Variants in ITGB2 observed in about 807,000 individuals in gnomAD.
ITGB2 encodes integrin subunit beta 2, also known as integrin beta-2.
A neutral mutation model predicts 86.8 loss-of-function variants in ITGB2; 56 were observed. The observed-to-expected ratio is 0.65, with a 90% CI of 0.52 to 0.81. The LOEUF (loss-of-function observed/expected upper bound fraction) is 0.81. ITGB2 is among the 30% of genes least tolerant of loss of function. The probability of loss-of-function intolerance (pLI) is 0.00; values close to 1 mark genes in which losing one functional copy is unlikely to be tolerated. For synonymous variants in ITGB2, 457 were observed against 450.4 expected, an observed-to-expected ratio of 1.01 and a Z score of -0.19; for missense variants, 948 against 1,061.2, an observed-to-expected ratio of 0.89 and a Z score of 1.48.
intron 1 of ITGB2, among the ~76,000 whole-genome samples, chr21:44,916,478 G>T (rs2084211853): frequency 6.6e-6 from 1 of 152,186 alleles, no homozygotes; most frequent in East Asian, 1.9e-4. Context: ...GGACATAAAA[G>T]AATGGCCACA....
At chr21:44,912,806 C>A (rs923861422) in intron 1 of ITGB2, among the ~76,000 whole-genome samples, 2 of 109,776 alleles carry the variant, frequency 1.8e-5, no homozygotes, top group African/African-American at 6.7e-5. Flanking sequence ...GTCCAGCCAG[C>A]TTCAGGACTC....
chr21:44,916,474 A>G (rs1019178047), intron 1 of ITGB2, among the ~76,000 whole-genome samples: 2 of 152,338 alleles, frequency 1.3e-5, no homozygotes, highest in Non-Finnish European at 1.5e-5. Context: ...CTGTGGACAT[A>G]AAAGAATGGC....
chr21:44,908,058 C>G, intron 3 of ITGB2: 1 of 717,574 alleles, frequency 1.4e-6, no homozygotes, highest in Admixed American at 2.0e-5. Context: ...CCCAGCCTGA[C>G]CAAGGTAGTT....
rs745512221 is a variant in ITGB2 at position 44,890,059 on chromosome 21, C to A, written c.1576G>T (p.Gly526Cys). 1 of 1,613,382 alleles carries A rather than the reference C, an allele frequency of 6.2e-7. No individual in the cohort carries two copies. Among genetic ancestry groups the A allele is most frequent in the Non-Finnish European group, 8.5e-7 (1 of 1,180,032 alleles). ...CAGTACTGCCCGTATATCAGCTTGC[C>A]GGGGACGTCGCTGGTGTGGCACAGG... ...QCLCHTSDVPGKLIYGQYCEC... is the reference protein window; with the variant it reads ...QCLCHTSDVPCKLIYGQYCEC... Residue 526 changes from glycine to cysteine, a missense_variant, in exon 12 of 16, where the codon GGC becomes TGC. Gly to Cys is a radical substitution (Grantham distance 159). Transcript: ENST00000652462.
chr21:44,894,893 C>G (rs1341009541), intron 9 of ITGB2, 78 bp downstream of exon 9: 1 of 1,020,404 alleles, frequency 9.8e-7, no homozygotes, highest in Non-Finnish European at 1.6e-6. Flanking sequence ...TCCTGCTGAC[C>G]TGCAGCAGGA....
intron 1 of ITGB2, 130 bp from the exon 2 acceptor site, chr21:44,910,915 G>T: frequency 1.1e-6 from 1 of 896,898 alleles, no homozygotes; most frequent in African/African-American, 1.6e-5. Flanking sequence ...GGTGGGTTAG[G>T]GTCAGGCCAG....
chr21:44,900,386 G>A lies in ITGB2; in HGVS notation c.831C>T (p.Ala277=). 1 of 1,614,162 alleles carries A rather than the reference G, an allele frequency of 6.2e-7. No individual in the cohort carries two copies. The highest frequency in any genetic ancestry group is 8.5e-7 in the Non-Finnish European group (1 of 1,179,992). ...AGCGGCCGTCGTTGGGGGTCAGGAT[G>A]GCGCCCAGCTTCCCGTCGCCCGCGA... is the stretch of plus-strand genomic sequence containing the variant. The part of the protein sequence containing the change: ...FHFAGDGKLG[A]ILTPNDGRCH... The change falls in exon 7 of 16, where the codon GCC becomes GCT. Residue 277 remains alanine (A), a synonymous_variant. Transcript: ENST00000652462.
Position 44,903,389 on chromosome 21 carries a change from C to T in ITGB2, c.475G>A (p.Glu159Lys), listed in dbSNP as rs765779500. ...LGGDLLRALN[E>K]ITESGRIGFG... ...CCAATGCGGCCGGACTCGGTGATCT[C>T]GTTGAGGGCCCGGAGCAGGTCGCCA... The change falls in exon 5 of 16, where the codon GAG becomes AAG. Residue 159 changes from glutamate (E) to lysine (K), a missense_variant. Coordinates refer to ENST00000652462, the MANE Select transcript of ITGB2 (RefSeq NM_000211.5). 17 of 1,613,976 alleles carry T rather than the reference C, an allele frequency of 1.1e-5. No homozygotes were observed. The Admixed American group carries it at 1.3e-4, about 13-fold the overall frequency.
At position 44,907,034 on chromosome 21, in the gene ITGB2, AT is replaced by A; in HGVS notation, c.208del (p.Met70Ter). ...IRCDTRPQLL[M>X]RGCAADDIMD... Reference sequence around the variant, plus strand: ...GATGTCGTCAGCCGCACAGCCCCTCATGAGCAGCTGTGGCCGGGTGTCGCAG... The same window carrying A: ...GATGTCGTCAGCCGCACAGCCCCTCAGAGCAGCTGTGGCCGGGTGTCGCAG... On this transcript the variant is annotated frameshift_variant, in exon 4 of 16. Transcript: ENST00000652462. LOFTEE classifies it high-confidence loss of function. The A allele has an allele frequency of 2.5e-6, 4 of 1,613,722 alleles. No individual in the cohort carries two copies. Among genetic ancestry groups the A allele is most frequent in the Non-Finnish European group, 3.4e-6 (4 of 1,179,710 alleles).
At chr21:44,912,375 A>G (rs975680311) in intron 1 of ITGB2, among the ~76,000 whole-genome samples, 9 of 152,180 alleles carry the variant, frequency 5.9e-5, no homozygotes, top group Non-Finnish European at 1.2e-4. Context: ...TCTGAGGCCA[A>G]CGGAACACCC....
rs777889637 is a variant in ITGB2 at position 44,893,452 on chromosome 21, G to C, written c.1176C>G (p.His392Gln). The change falls in exon 10 of 16, where the codon CAC becomes CAG. Residue 392 changes from histidine (H) to glutamine (Q), a missense_variant. Coordinates refer to ENST00000652462, the MANE Select transcript of ITGB2 (RefSeq NM_000211.5). ...CACAGTCACCTCTGGGCTGGTTCCT[G>C]TGCGTCACTCCATTGCTGCAGAAGG... ...YDSFCSNGVT[H>Q]RNQPRGDCDG... The C allele has an allele frequency of 1.3e-5, 21 of 1,614,078 alleles. No homozygotes were observed. Among genetic ancestry groups the C allele is most frequent in the Admixed American group, 5.0e-5 (3 of 60,010 alleles).
chr21:44,908,726 A>G (rs768723528), intron 3 of ITGB2, among the ~76,000 whole-genome samples: 2 of 152,354 alleles, frequency 1.3e-5, no homozygotes, highest in African/African-American at 4.8e-5. Context: ...TTGTCCGGCT[A>G]CAACGGTGCT....
At chr21:44,899,196 A>G in intron 7 of ITGB2, 34 bp from the exon 8 acceptor site, 1 of 1,526,062 alleles carries the variant, frequency 6.6e-7, no homozygotes, top group Non-Finnish European at 9.1e-7. Flanking sequence ...GTTGGCCCCG[A>G]GTCCAGGACA....
At chr21:44,892,031 C>T (rs752784838) in intron 10 of ITGB2, 35 bp from the exon 11 acceptor site, 25 of 1,600,624 alleles carry the variant, frequency 1.6e-5, no homozygotes, top group African/African-American at 4.0e-5. Flanking sequence ...TGGGGACCCT[C>T]GGTGGCCAGG....
intron 12 of ITGB2, among the ~76,000 whole-genome samples, chr21:44,889,774 C>A (rs1407962423): frequency 6.6e-6 from 1 of 152,220 alleles, no homozygotes; most frequent in Non-Finnish European, 1.5e-5. Context: ...GACGCCTTGT[C>A]CTCATGGACA....
chr21:44,901,994 ATGTG>A (rs1035604518), intron 5 of ITGB2, among the ~76,000 whole-genome samples: 10 of 152,186 alleles, frequency 6.6e-5, no homozygotes, highest in Non-Finnish European at 1.5e-5. Context: ...TCCTGCATGT[ATGTG>A]TGTGACCAGG....
At position 44,900,398 on chromosome 21, in the gene ITGB2, C is replaced by T. The variant is rs2230528; in HGVS notation, c.819G>A (p.Gly273=). The T allele has an allele frequency of 0.23, 379,226 of 1,613,910 alleles. 46,044 individuals are homozygous for T. The highest frequency in any genetic ancestry group is 0.35 in the Admixed American group (20,728 of 59,996). Residue 273 remains glycine (G), a synonymous_variant, in exon 7 of 16, where the codon GGG becomes GGA. Coordinates refer to ENST00000652462, the MANE Select transcript of ITGB2 (RefSeq NM_000211.5). ...TDDGFHFAGD[G]KLGAILTPND... is the part of the protein sequence containing the mutation. ...TGGGGGTCAGGATGGCGCCCAGCTT[C>T]CCGTCGCCCGCGAAATGGAAGCCGT...
chr21:44,892,378 G>T (rs921709162), intron 10 of ITGB2, among the ~76,000 whole-genome samples: 16 of 152,214 alleles, frequency 1.1e-4, no homozygotes, highest in African/African-American at 3.4e-4. Context: ...CCAGCACTGT[G>T]GGAGGCCGAG....
chr21:44,916,747 A>C (rs139719339), intron 1 of ITGB2, among the ~76,000 whole-genome samples: 3 of 151,982 alleles, frequency 2.0e-5, no homozygotes, highest in African/African-American at 4.8e-5. Flanking sequence ...GGGCGCCTGT[A>C]ATCCCAGCTA....
Sources: allele counts gnomAD v4.1 joint callset (sites outside exome capture counted in the v4.1 genomes callset), GRCh38; gene constraint gnomAD v4.1.1; transcripts MANE v1.5; gene names NCBI Gene and HGNC (gene_info 2026-07-23, HGNC 2026-07-21).